The following EFHC1 variants were observed in gnomAD, a reference collection of about 807,000 sequenced individuals.
EFHC1 encodes the protein EF-hand domain-containing protein 1.
A neutral mutation model predicts 69.9 loss-of-function variants in EFHC1; 53 were observed. The ratio of observed to expected loss-of-function variants is 0.76; its 90% CI spans 0.61 to 0.95. The LOEUF (loss-of-function observed/expected upper bound fraction) is 0.95. EFHC1 is among the 40% of genes least tolerant of loss of function. The pLI is 0.00. For missense variants in EFHC1, 739 were observed against 798.7 expected (o/e 0.93, Z 0.90); for synonymous variants, 256 against 278.4 (o/e 0.92, Z 0.80).
rs371233375 is a variant in EFHC1 at position 52,420,375 on chromosome 6, A to C, written c.-36A>C. 33 of 1,614,054 alleles carry C rather than the reference A, an allele frequency of 2.0e-5. No homozygotes were observed. The highest frequency in any genetic ancestry group is 2.8e-5 in the Non-Finnish European group (33 of 1,180,002). On this transcript the variant is annotated 5_prime_UTR_variant, in exon 1 of 11. Transcript: ENST00000371068. Reference sequence around the variant, plus strand: ...TCGCCTGGGCAACCGGAGAGGACGAAGCAGGACCTAGGTGGCGGCGGTGGT... The same window carrying C: ...TCGCCTGGGCAACCGGAGAGGACGACGCAGGACCTAGGTGGCGGCGGTGGT...
At chr6:52,427,288 C>A (rs1045304404) in intron 2 of EFHC1, among the ~76,000 whole-genome samples, 30 of 152,160 alleles carry the variant, frequency 2.0e-4, no homozygotes, top group African/African-American at 6.5e-4. Context: ...TGGAGCTGGC[C>A]CTCCCTGCTC....
rs1765864035 is a variant in EFHC1 at position 52,490,073 on chromosome 6, T to C, written c.1641-67T>C. ...CCCTGATTTCATCAAGTAAGAACTT[T>C]GGTCACCGAGATGAGACTGATCAAG... On this transcript the variant is annotated intron_variant, in intron 9 of 10. Coordinates refer to ENST00000371068, the MANE Select transcript of EFHC1 (RefSeq NM_018100.4). The C allele has an allele frequency of 5.6e-6, 8 of 1,436,532 alleles. No homozygotes were observed. In the South Asian group the frequency reaches 8.3e-5, roughly 15 times the overall value. The allele number at this position is 1,436,532 out of a possible 1,614,324, so 89.0% of individuals were successfully genotyped here.
Position 52,495,377 on chromosome 6 carries a change from G to C in EFHC1, c.*3036G>C, listed in dbSNP as rs1421182157. 6.6e-6 allele frequency: 3 copies of C among 453,962 alleles called. No homozygotes were observed. Among genetic ancestry groups the C allele is most frequent in the Admixed American group, 4.7e-5 (2 of 42,552 alleles). 28.1% of individuals were successfully genotyped at this position (453,962 alleles called of 1,614,324 possible). ...CACTCCAGCCCCTTTCAAGAAGCTT[G>C]CACTTTCTGATATTTTCTCCATCAC... is the stretch of plus-strand genomic sequence containing the variant. On this transcript the variant is annotated 3_prime_UTR_variant, in exon 11 of 11. Coordinates refer to ENST00000371068, the MANE Select transcript of EFHC1 (RefSeq NM_018100.4).
chr6:52,476,952 GATGTTAAC>G (rs1405315394), intron 7 of EFHC1, among the ~76,000 whole-genome samples: 1 of 152,110 alleles, frequency 6.6e-6, no homozygotes, highest in East Asian at 1.9e-4. Flanking sequence ...GGCTATATAG[GATGTTAAC>G]ATTAGGAGAA....
intron 5 of EFHC1, among the ~76,000 whole-genome samples, chr6:52,459,730 A>AGT (rs1378253401): frequency 6.6e-6 from 1 of 152,158 alleles, no homozygotes; most frequent in Non-Finnish European, 1.5e-5. Context: ...GCTGGAGTGC[A>AGT]GTGGCATGGT....
At chr6:52,442,820 A>T in intron 3 of EFHC1, among the ~76,000 whole-genome samples, 1 of 152,312 alleles carries the variant, frequency 6.6e-6, no homozygotes, top group South Asian at 2.1e-4. Context: ...CAGTAATGGG[A>T]TGGCTGGGTC....
At chr6:52,467,834 T>G (rs1422656392) in intron 6 of EFHC1, among the ~76,000 whole-genome samples, 2 of 152,216 alleles carry the variant, frequency 1.3e-5, no homozygotes, top group Non-Finnish European at 2.9e-5. Context: ...ATAAATAGAA[T>G]GCCAATTACC....
chr6:52,482,842 G>A, intron 9 of EFHC1: 1 of 398,574 alleles, frequency 2.5e-6, no homozygotes, highest in Non-Finnish European at 4.4e-6. Context: ...AGGCAGCTGT[G>A]TCGACATTCC....
At chr6:52,476,101 G>A (rs1423906201) in intron 7 of EFHC1, among the ~76,000 whole-genome samples, 5 of 152,148 alleles carry the variant, frequency 3.3e-5, no homozygotes, top group Non-Finnish European at 5.9e-5. Context: ...ATGACAGGTC[G>A]GGGGCCAGCC....
Position 52,469,344 on chromosome 6 carries a change from T to C in EFHC1, c.1149T>C (p.Pro383=). The C allele has an allele frequency of 6.2e-7, 1 of 1,614,036 alleles. No individual in the cohort carries two copies. The change falls in exon 7 of 11, where the codon CCT becomes CCC. Residue 383 remains proline (P), a synonymous_variant. Transcript: ENST00000371068. The stretch of plus-strand genomic sequence containing the variant: ...CTATGTATCTCCAGGAGTTGCCTCC[T>C]TATAACGGTTTTGGACTAGTGGAAG... ...EPPPVKQELP[P]YNGFGLVEDS...
chr6:52,484,757 G>T (rs1409319921), intron 9 of EFHC1, among the ~76,000 whole-genome samples: 1 of 152,188 alleles, frequency 6.6e-6, no homozygotes, highest in East Asian at 1.9e-4. Context: ...GCATATGTGG[G>T]TTCAGATTCT....
At chr6:52,472,648 TATGTAATATCTTTTACATAC>T (rs1765462506) in intron 7 of EFHC1, among the ~76,000 whole-genome samples, 1 of 129,338 alleles carries the variant, frequency 7.7e-6, no homozygotes, top group Admixed American at 8.4e-5. Flanking sequence ...ATACAAGAGA[TATGTAATATCTTTTACATAC>T]AAGAGATATG....
In EFHC1 at chr6:52,454,788, T is replaced by C. The variant is rs574835844; in HGVS notation, c.916+501T>C. Among the ~76,000 whole-genome samples, 192 of 152,280 alleles carry C rather than the reference T, an allele frequency of 1.3e-3. 1 individual carries two copies. Among genetic ancestry groups the C allele is most frequent in the African/African-American group, 4.3e-3 (180 of 41,566 alleles). On this transcript the variant is annotated intron_variant, in intron 5 of 10. Coordinates refer to ENST00000371068, the MANE Select transcript of EFHC1 (RefSeq NM_018100.4). ...GTGTCAAACCCAGCTCATTCTTTAC[T>C]GGTTTAAAATTACCTAGCATGGGCT...
rs1766049590 is a variant in EFHC1, at chr6:52,496,016, G to C, written c.*3675G>C. 1 of 211,956 alleles carries C rather than the reference G, an allele frequency of 4.7e-6. No individual in the cohort carries two copies. The highest frequency in any genetic ancestry group is 9.6e-6 in the Non-Finnish European group (1 of 104,574). The allele number at this position is 211,956 out of a possible 1,614,324, so 13.1% of individuals were successfully genotyped here. On this transcript the variant is annotated 3_prime_UTR_variant, in exon 11 of 11. Coordinates refer to ENST00000371068, the MANE Select transcript of EFHC1 (RefSeq NM_018100.4). ...ACTTTTTCTACTAAAATCCTGAATG[G>C]CAGTGCAGCCATTAGATGTCACTAA... is the stretch of plus-strand genomic sequence containing the variant.
At chr6:52,445,731 A>G (rs1238802865) in intron 3 of EFHC1, among the ~76,000 whole-genome samples, 2 of 152,100 alleles carry the variant, frequency 1.3e-5, no homozygotes, top group Non-Finnish European at 2.9e-5. Context: ...ACTGCTTTAA[A>G]TGTGTCCCAG....
chr6:52,496,131 A>C lies in EFHC1; in HGVS notation c.*3790A>C. On this transcript the variant is annotated 3_prime_UTR_variant, in exon 11 of 11. Coordinates refer to ENST00000371068, the MANE Select transcript of EFHC1 (RefSeq NM_018100.4). ...GCTGAGCATTACCCTGTAGCAAGCA[A>C]TATTGTAGGAAGCAGAAATGATCAT... The C allele has an allele frequency of 6.1e-6, 1 of 163,790 alleles. No individual in the cohort carries two copies. Among genetic ancestry groups the C allele is most frequent in the Non-Finnish European group, 1.4e-5 (1 of 73,990 alleles). The allele number at this position is 163,790 out of a possible 1,614,324, so 10.1% of individuals were successfully genotyped here.
At position 52,495,288 on chromosome 6, in the gene EFHC1, G is replaced by A; in HGVS notation, c.*2947G>A. The A allele has an allele frequency of 2.2e-6, 1 of 454,044 alleles. No individual in the cohort carries two copies. The highest frequency in any genetic ancestry group is 4.4e-6 in the Non-Finnish European group (1 of 226,770). The allele number at this position is 454,044 out of a possible 1,614,324, so 28.1% of individuals were successfully genotyped here. A position where few individuals can be genotyped will look rare whatever the true frequency, so the allele number is the denominator to read the frequency against. On this transcript the variant is annotated 3_prime_UTR_variant, in exon 11 of 11. Transcript: ENST00000371068. The stretch of plus-strand genomic sequence containing the variant: ...ATCTTATGCTCTCCAAACTCCAGGG[G>A]ACAGACACATGTCAAACCCTGAGTC...
chr6:52,473,045 C>T (rs964719389), intron 7 of EFHC1, among the ~76,000 whole-genome samples: 2 of 152,066 alleles, frequency 1.3e-5, no homozygotes, highest in Non-Finnish European at 2.9e-5. Context: ...CAAATTGATT[C>T]TATAATTTAA....
At chr6:52,451,688 G>A (rs1764920368) in intron 3 of EFHC1, among the ~76,000 whole-genome samples, 1 of 152,144 alleles carries the variant, frequency 6.6e-6, no homozygotes, top group Non-Finnish European at 1.5e-5. Context: ...CCTCTCTAGC[G>A]AGGTTGAGGA....
Sources: allele counts gnomAD v4.1 joint callset (sites outside exome capture counted in the v4.1 genomes callset), GRCh38; gene constraint gnomAD v4.1.1; transcripts MANE v1.5; gene names NCBI Gene and HGNC (gene_info 2026-07-23, HGNC 2026-07-21).